PDE4D: variants seen among roughly 807,000 people sequenced by gnomAD.
PDE4D encodes phosphodiesterase 4D.
PDE4D carries 24 observed loss-of-function variants against 87.4 expected under a neutral mutation model. The ratio of observed to expected loss-of-function variants is 0.27; its 90% CI spans 0.20 to 0.39. The LOEUF (loss-of-function observed/expected upper bound fraction) is 0.39. Ranked by LOEUF, PDE4D falls within the 10% of genes least tolerant of loss-of-function variation. The pLI is 1.00. For synonymous variants in PDE4D, 384 were observed against 383.2 expected (o/e 1.00, Z -0.02); for missense variants, 714 against 1,041.0 (o/e 0.69, Z 4.32).
At chr5:60,238,182 TTA>T (rs1325631441) in intron 1 of PDE4D, among the ~76,000 whole-genome samples, 2 of 152,004 alleles carry the variant, frequency 1.3e-5, no homozygotes, top group Non-Finnish European at 2.9e-5. Flanking sequence ...TATGTTGCTA[TTA>T]TGTTGTTTAT....
chr5:59,583,054 A>G (rs1411065092), intron 1 of PDE4D, among the ~76,000 whole-genome samples: 1 of 152,210 alleles, frequency 6.6e-6, no homozygotes, highest in Non-Finnish European at 1.5e-5. Flanking sequence ...CATCATTAAA[A>G]GGATGCAAAG....
chr5:60,267,271 G>C (rs1002358015), intron 1 of PDE4D, among the ~76,000 whole-genome samples: 6 of 152,168 alleles, frequency 3.9e-5, no homozygotes, highest in African/African-American at 1.4e-4. Context: ...TCTACAAGCG[G>C]CTGTGGTTGG....
intron 1 of PDE4D, among the ~76,000 whole-genome samples, chr5:59,321,485 A>G (rs1283679907): frequency 6.6e-6 from 1 of 152,146 alleles, no homozygotes; most frequent in African/African-American, 2.4e-5. Flanking sequence ...CATCTTGCTC[A>G]TCTTCTTGCC....
chr5:59,114,695 C>T lies in PDE4D; in HGVS notation c.808+65900G>A, dbSNP rs536898412. On this transcript the variant is annotated intron_variant, in intron 5 of 14. Transcript: ENST00000340635. Reference sequence around the variant, plus strand: ...GGGGGAAAGGAAAAGAAAGAGTGTACGACCTCATGCAAAGATGGAAAGGTT... The same window carrying T: ...GGGGGAAAGGAAAAGAAAGAGTGTATGACCTCATGCAAAGATGGAAAGGTT... Among the ~76,000 whole-genome samples, 109 of 151,964 alleles carry T rather than the reference C, an allele frequency of 7.2e-4. 2 individuals carry two copies. Among genetic ancestry groups the T allele is most frequent in the African/African-American group, 2.5e-3 (103 of 41,462 alleles).
intron 1 of PDE4D, among the ~76,000 whole-genome samples, chr5:59,698,693 C>G (rs1316953022): frequency 1.3e-5 from 2 of 152,132 alleles, no homozygotes; most frequent in Non-Finnish European, 2.9e-5. Flanking sequence ...CAAAGCAAAT[C>G]TATTCAAAAG....
At chr5:59,244,199 A>T (rs1282972316) in intron 1 of PDE4D, among the ~76,000 whole-genome samples, 2 of 151,886 alleles carry the variant, frequency 1.3e-5, no homozygotes, top group Admixed American at 6.6e-5. Context: ...GGAGTTCAAG[A>T]CCACCCTGGG....
At chr5:59,026,999 T>C (rs1209328412) in intron 6 of PDE4D, among the ~76,000 whole-genome samples, 1 of 152,166 alleles carries the variant, frequency 6.6e-6, no homozygotes, top group Non-Finnish European at 1.5e-5. Flanking sequence ...TTTCACGTAA[T>C]TTCCTTTTTT....
At chr5:59,520,816 A>C (rs1812071517) in intron 1 of PDE4D, among the ~76,000 whole-genome samples, 1 of 152,166 alleles carries the variant, frequency 6.6e-6, no homozygotes, top group South Asian at 2.1e-4. Flanking sequence ...TGCTTTTAAG[A>C]GATAAAAAAG....
rs181699112 is a variant in PDE4D at position 59,762,146 on chromosome 5, A to G, written c.455+131022T>C. 6.5e-3 allele frequency among the ~76,000 whole-genome samples: 974 copies of G among 150,834 alleles called. 9 individuals carry two copies. The highest frequency in any genetic ancestry group is 0.023 in the African/African-American group (913 of 40,500). On this transcript the variant is annotated intron_variant, in intron 1 of 14. Transcript: ENST00000340635. The stretch of plus-strand genomic sequence containing the variant: ...TATATGTAGGTATATAGATATATAT[A>G]TGTGTGTGTGTGTATATATAGGTAC...
intron 1 of PDE4D, among the ~76,000 whole-genome samples, chr5:59,752,692 T>A (rs974932545): frequency 6.6e-6 from 1 of 152,170 alleles, no homozygotes; most frequent in Non-Finnish European, 1.5e-5. Context: ...TGGCCAGGGA[T>A]GTTCTTAACC....
Position 60,355,810 on chromosome 5 carries a change from A to T in PDE4D, c.-90+132132T>A, listed in dbSNP as rs1196778862. 8.5e-5 allele frequency among the ~76,000 whole-genome samples: 13 copies of T among 152,148 alleles called. 1 individual carries two copies. Among genetic ancestry groups the T allele is most frequent in the Admixed American group, 8.5e-4 (13 of 15,262 alleles). On this transcript the variant is annotated intron_variant, in intron 1 of 16. Coordinates refer to the PDE4D transcript ENST00000502484. ...ACTATATATTAAGTGGAACCATATC[A>T]TTCAAAAGGTCTTCATCCTCATCAT...
intron 1 of PDE4D, among the ~76,000 whole-genome samples, chr5:60,426,589 G>A (rs1002498851): frequency 2.6e-5 from 4 of 152,156 alleles, no homozygotes; most frequent in Non-Finnish European, 5.9e-5. Flanking sequence ...TAAATGATGA[G>A]TTGATGGGTG....
chr5:59,752,937 C>T (rs188402712), intron 1 of PDE4D, among the ~76,000 whole-genome samples: 27 of 152,240 alleles, frequency 1.8e-4, no homozygotes, highest in South Asian at 8.3e-4. Context: ...CGGCAAATTA[C>T]GGCCAGTGGG....
intron 1 of PDE4D, chr5:60,521,298 A>G (rs1751029791): frequency 6.6e-6 from 1 of 152,222 alleles, no homozygotes; most frequent in Admixed American, 6.5e-5. Context: ...AAAAGGACCC[A>G]AAGTCCTATA....
intron 1 of PDE4D, among the ~76,000 whole-genome samples, chr5:59,445,591 T>C (rs1316979331): frequency 2.0e-5 from 3 of 152,186 alleles, no homozygotes; most frequent in African/African-American, 7.2e-5. Flanking sequence ...TTATTTGACA[T>C]AATACAGACA....
chr5:59,762,590 A>G (rs1042406165), intron 1 of PDE4D, among the ~76,000 whole-genome samples: 3 of 143,394 alleles, frequency 2.1e-5, no homozygotes, highest in Non-Finnish European at 4.6e-5. Context: ...GGGTACACAT[A>G]TGTGTATATG....
intron 1 of PDE4D, among the ~76,000 whole-genome samples, chr5:59,315,374 A>T (rs1251707871): frequency 1.3e-5 from 2 of 152,216 alleles, no homozygotes; most frequent in African/African-American, 2.4e-5. Flanking sequence ...TGAGACCCAG[A>T]GGACAAATAC....
intron 11 of PDE4D, among the ~76,000 whole-genome samples, chr5:58,978,737 A>G (rs1464197374): frequency 6.6e-6 from 1 of 152,026 alleles, no homozygotes; most frequent in Non-Finnish European, 1.5e-5. Flanking sequence ...TTTGTACAGT[A>G]TTTTTTTGTT....
chr5:59,673,431 GATT>G (rs1747547654), intron 1 of PDE4D, among the ~76,000 whole-genome samples: 1 of 152,120 alleles, frequency 6.6e-6, no homozygotes, highest in African/African-American at 2.4e-5. Context: ...CCTCAGTAAT[GATT>G]ATTTCAATAT....
Sources: allele counts gnomAD v4.1 joint callset (sites outside exome capture counted in the v4.1 genomes callset), GRCh38; gene constraint gnomAD v4.1.1; transcripts MANE v1.5; gene names NCBI Gene and HGNC (gene_info 2026-07-23, HGNC 2026-07-21).